PRDM2: variants seen among roughly 807,000 people sequenced by gnomAD.
PRDM2 encodes PR/SET domain 2.
Under a neutral mutation model 130.0 loss-of-function variants are expected in PRDM2, and 30 were observed. The ratio of observed to expected loss-of-function variants is 0.23; its 90% CI spans 0.17 to 0.31. PRDM2 has a LOEUF of 0.31. Among genes scored for constraint, PRDM2 ranks in the 10% least tolerant of loss-of-function variants. The pLI is 1.00. For synonymous variants in PRDM2, 871 were observed against 782.4 expected (o/e 1.11, Z -1.89); for missense variants, 2,011 against 2,108.4 (o/e 0.95, Z 0.90).
intron 8 of PRDM2, among the ~76,000 whole-genome samples, chr1:13,789,872 T>C (rs1472106926): frequency 6.6e-6 from 1 of 152,236 alleles, no homozygotes. Context: ...CGTCAGCCTT[T>C]ACAGGCCCAG....
intron 9 of PRDM2, among the ~76,000 whole-genome samples, chr1:13,817,424 TA>T (rs1645274403): frequency 1.3e-5 from 2 of 152,160 alleles, no homozygotes; most frequent in Admixed American, 1.3e-4. Flanking sequence ...TTCTGTTGGA[TA>T]AAAACATGGA....
Position 13,780,812 on chromosome 1 carries a change from C to G in PRDM2, c.3017C>G (p.Pro1006Arg), listed in dbSNP as rs1644593710. 6.2e-7 allele frequency: 1 copy of G among 1,601,002 alleles called. No homozygotes were observed. The highest frequency in any genetic ancestry group is 8.5e-7 in the Non-Finnish European group (1 of 1,171,634). Residue 1006 changes from proline (P) to arginine (R), a missense_variant, in exon 8 of 10, where the codon CCA becomes CGA. Pro to Arg is a moderately radical substitution (Grantham distance 103). Coordinates refer to ENST00000311066, the MANE Select transcript of PRDM2 (RefSeq NM_001393986.1). ...CCCTCTTCCAGTGCATCTCCACACC[C>G]ATGCCCCTCTCCACTCTCAAATGCC... ...PAPSSSASPH[P>R]CPSPLSNATA...
Position 13,816,460 on chromosome 1 carries a change from A to G in PRDM2, c.5070A>G (p.Pro1690=), listed in dbSNP as rs1316859883. 3.7e-6 allele frequency: 6 copies of G among 1,613,902 alleles called. No individual in the cohort carries two copies. In the African/African-American group the frequency reaches 8.0e-5, roughly 22 times the overall value. The change falls in exon 9 of 10, where the codon CCA becomes CCG. Residue 1690 remains proline, a synonymous_variant. Coordinates refer to ENST00000311066, the MANE Select transcript of PRDM2 (RefSeq NM_001393986.1). ...YSLRLASRCS[P]PAAPYITRQY... Reference sequence around the variant, plus strand: ...TCCGCTTGGCGTCCCGATGCTCTCCACCAGCGGCCCCGTACATCACCAGGC... The same window carrying G: ...TCCGCTTGGCGTCCCGATGCTCTCCGCCAGCGGCCCCGTACATCACCAGGC...
intron 8 of PRDM2, among the ~76,000 whole-genome samples, chr1:13,793,836 CA>C (rs375889572): frequency 4.8e-5 from 7 of 147,114 alleles, no homozygotes; most frequent in Admixed American, 1.4e-4. Context: ...AAAGATATCG[CA>C]AAAAAAAAAG....
chr1:13,766,673 C>CT, intron 6 of PRDM2, among the ~76,000 whole-genome samples: 1 of 152,338 alleles, frequency 6.6e-6, no homozygotes, highest in East Asian at 1.9e-4. Context: ...TTGGAACCAA[C>CT]TGTGAAGCTC....
intron 4 of PRDM2, among the ~76,000 whole-genome samples, chr1:13,736,086 C>G (rs550722336): frequency 2.7e-5 from 4 of 148,352 alleles, no homozygotes; most frequent in African/African-American, 7.4e-5. Context: ...ATGTCTACTA[C>G]TTATTTACGT....
chr1:13,802,035 C>T (rs1171256072), intron 8 of PRDM2, among the ~76,000 whole-genome samples: 1 of 152,166 alleles, frequency 6.6e-6, no homozygotes, highest in Non-Finnish European at 1.5e-5. Context: ...TTGAGCTGTC[C>T]CGTCCTGGCC....
At chr1:13,770,958 TTTTGTTTG>T (rs1333862823) in intron 6 of PRDM2, among the ~76,000 whole-genome samples, 1 of 152,196 alleles carries the variant, frequency 6.6e-6, no homozygotes, top group African/African-American at 2.4e-5. Flanking sequence ...GCGATAAGCA[TTTTGTTTG>T]CTCTCAGTAA....
intron 5 of PRDM2, among the ~76,000 whole-genome samples, chr1:13,747,031 G>T (rs2100525420): frequency 6.6e-6 from 1 of 152,336 alleles, no homozygotes; most frequent in Non-Finnish European, 1.5e-5. Context: ...AGTAGAGTTT[G>T]TGTGGATATT....
rs374793324 is a variant in PRDM2, at chr1:13,774,192, CCTCTG to C, written c.622+1008_622+1012del. ...AAAGTTAATCAGAAAGACAGCTTGCCCTCTGCTCATTGCAGTTGGGCCACCATATT... is the reference window on the plus strand; with the variant it reads ...AAAGTTAATCAGAAAGACAGCTTGCCCTCATTGCAGTTGGGCCACCATATT... On this transcript the variant is annotated intron_variant, in intron 7 of 9. Transcript: ENST00000311066. Among the ~76,000 whole-genome samples the C allele has an allele frequency of 4.6e-3, 707 of 152,292 alleles. 7 individuals are homozygous for C. Among genetic ancestry groups the C allele is most frequent in the African/African-American group, 0.016 (683 of 41,542 alleles).
intron 1 of PRDM2, among the ~76,000 whole-genome samples, chr1:13,715,011 A>G (rs1020085764): frequency 5.3e-5 from 8 of 152,240 alleles, no homozygotes; most frequent in Admixed American, 6.5e-5. Flanking sequence ...CTGTTTCCCA[A>G]CATCTTTTAT....
At chr1:13,707,863 A>G (rs367887900) in intron 1 of PRDM2, among the ~76,000 whole-genome samples, 34 of 149,302 alleles carry the variant, frequency 2.3e-4, no homozygotes, top group African/African-American at 7.7e-4. Context: ...GGAATATCCT[A>G]TAGTGAGAGC....
At chr1:13,799,843 A>G (rs912369722) in intron 8 of PRDM2, among the ~76,000 whole-genome samples, 2 of 152,260 alleles carry the variant, frequency 1.3e-5, no homozygotes, top group African/African-American at 2.4e-5. Context: ...AGAAAGGCAC[A>G]TAGTAATTCG....
intron 6 of PRDM2, among the ~76,000 whole-genome samples, chr1:13,762,265 G>A (rs189163525): frequency 6.6e-6 from 1 of 152,342 alleles, no homozygotes; most frequent in East Asian, 1.9e-4. Flanking sequence ...TCAAATCATG[G>A]CCCAAGGGCT....
intron 1 of PRDM2, among the ~76,000 whole-genome samples, chr1:13,701,413 G>A (rs1477238199): frequency 6.6e-6 from 1 of 152,098 alleles, no homozygotes; most frequent in East Asian, 1.9e-4. Flanking sequence ...TACACACTTC[G>A]CCTCGGTTTG....
intron 6 of PRDM2, among the ~76,000 whole-genome samples, chr1:13,769,621 C>T (rs1644312946): frequency 6.6e-6 from 1 of 152,132 alleles, no homozygotes; most frequent in African/African-American, 2.4e-5. Context: ...AACATTGTTC[C>T]AGGTGTCAGA....
Position 13,700,236 on chromosome 1 carries a change from GC to G in PRDM2, c.-128del, listed in dbSNP as rs1394050584. Reference sequence around the variant, plus strand: ...CGGCGGCGCGGCCGCGGGCGCCGGGGCCGGCGAAACAGCGGCGGCGGCGGCG... The same window carrying G: ...CGGCGGCGCGGCCGCGGGCGCCGGGGCGGCGAAACAGCGGCGGCGGCGGCG... On this transcript the variant is annotated 5_prime_UTR_variant, in exon 1 of 10. An upstream open reading frame in the 5' UTR loses its in-frame stop. Coordinates refer to ENST00000311066, the MANE Select transcript of PRDM2 (RefSeq NM_001393986.1). 1 of 152,292 alleles carries G rather than the reference GC, an allele frequency of 6.6e-6. No homozygotes were observed. The highest frequency in any genetic ancestry group is 1.5e-5 in the Non-Finnish European group (1 of 68,206). 9.4% of individuals were successfully genotyped at this position (152,292 alleles called of 1,614,324 possible).
Position 13,771,642 on chromosome 1 carries a change from A to G in PRDM2, c.512-1436A>G, listed in dbSNP as rs1276606481. The G allele has an allele frequency of 6.6e-6, 1 of 152,224 alleles. No individual in the cohort carries two copies. The highest frequency in any genetic ancestry group is 2.4e-5 in the African/African-American group (1 of 41,448). 9.4% of individuals were successfully genotyped at this position (152,224 alleles called of 1,614,324 possible). ...CTACTCGGGAGGCTGAGGCAGGAGA[A>G]TGGCATGAACCCGGGAGGCGGAGCT... On this transcript the variant is annotated intron_variant, in intron 6 of 9. Transcript: ENST00000311066. This position sits in a 1 kb window ranked among gnomAD's most constrained non-coding sequence, Gnocchi z 4.1.
At chr1:13,700,888 G>A (rs1461437313) in intron 1 of PRDM2, among the ~76,000 whole-genome samples, 1 of 151,956 alleles carries the variant, frequency 6.6e-6, no homozygotes, top group African/African-American at 2.4e-5. Context: ...ACGCGCGCGT[G>A]TGTGTGTGTT....
Sources: allele counts gnomAD v4.1 joint callset (sites outside exome capture counted in the v4.1 genomes callset), GRCh38; gene constraint gnomAD v4.1.1; non-coding constraint Gnocchi (gnomAD v3.1); transcripts MANE v1.5; gene names NCBI Gene and HGNC (gene_info 2026-07-23, HGNC 2026-07-21).